The following RGMA variants were observed in gnomAD, a reference collection of about 807,000 sequenced individuals.
RGMA encodes repulsive guidance molecule A.
Under a neutral mutation model 23.2 loss-of-function variants are expected in RGMA, and 10 were observed. The observed-to-expected ratio is 0.43, with a 90% CI of 0.27 to 0.73. RGMA has a LOEUF of 0.73. RGMA is among the 30% of genes least tolerant of loss of function. The probability of loss-of-function intolerance (pLI) is 0.20; values close to 1 mark genes in which losing one functional copy is unlikely to be tolerated. For synonymous variants in RGMA, 308 were observed against 279.3 expected, an observed-to-expected ratio of 1.10 and a Z score of -1.03; for missense variants, 547 against 630.5, an observed-to-expected ratio of 0.87 and a Z score of 1.42.
intron 3 of RGMA, among the ~76,000 whole-genome samples, chr15:93,051,692 T>G (rs1217754007): frequency 6.6e-6 from 1 of 152,154 alleles, no homozygotes; most frequent in Non-Finnish European, 1.5e-5. Context: ...CTGGGGCAAA[T>G]TCTAGCTCAG....
chr15:93,065,500 G>C, intron 2 of RGMA: 2 of 540,026 alleles, frequency 3.7e-6, no homozygotes, highest in South Asian at 3.5e-5. Flanking sequence ...GGGAAACGGG[G>C]AACAGGGTAC....
intron 3 of RGMA, among the ~76,000 whole-genome samples, chr15:93,051,444 C>T (rs1439339954): frequency 1.3e-5 from 2 of 152,238 alleles, no homozygotes; most frequent in South Asian, 2.1e-4. Context: ...GAGGCCTTGC[C>T]CTCTGGCTAA....
At chr15:93,074,166 C>G (rs11854936) in intron 1 of RGMA, 2 of 359,462 alleles carry the variant, frequency 5.6e-6, no homozygotes, top group Non-Finnish European at 8.4e-6. Flanking sequence ...GTCAAACCAA[C>G]TCCTCCCGCC....
At chr15:93,083,931 G>A (rs192135317) in intron 1 of RGMA, among the ~76,000 whole-genome samples, 3 of 152,264 alleles carry the variant, frequency 2.0e-5, no homozygotes, top group Non-Finnish European at 4.4e-5. Flanking sequence ...CTAGGAAAAT[G>A]CAATTGCACA....
intron 1 of RGMA, among the ~76,000 whole-genome samples, chr15:93,081,616 C>T (rs1345297885): frequency 1.3e-5 from 2 of 152,216 alleles, no homozygotes; most frequent in Non-Finnish European, 2.9e-5. Context: ...AACCATTTAT[C>T]CACCAAATGG....
At chr15:93,073,891 A>G in intron 1 of RGMA, 3 of 1,459,050 alleles carry the variant, frequency 2.1e-6, no homozygotes, top group South Asian at 2.8e-5. Flanking sequence ...GCCACTCCAG[A>G]GAGATGGCTA....
intron 3 of RGMA, among the ~76,000 whole-genome samples, chr15:93,049,328 T>C (rs887331389): frequency 6.6e-6 from 1 of 152,068 alleles, no homozygotes; most frequent in African/African-American, 2.4e-5. Flanking sequence ...AAATGAATCA[T>C]GCAGAGGGAC....
chr15:93,088,104 C>T (rs979556198), intron 1 of RGMA, among the ~76,000 whole-genome samples: 3 of 152,210 alleles, frequency 2.0e-5, no homozygotes, highest in Non-Finnish European at 2.9e-5. Context: ...CAAAACCACA[C>T]CACATAATAG....
At chr15:93,051,908 C>T in intron 3 of RGMA, 85 bp downstream of exon 3, 5 of 1,385,520 alleles carry the variant, frequency 3.6e-6, no homozygotes, top group Non-Finnish European at 4.9e-6. Context: ...TCCCAGGCAC[C>T]CGAGGCCCTC....
At chr15:93,066,757 C>T (rs2141833351) in intron 2 of RGMA, among the ~76,000 whole-genome samples, 1 of 152,344 alleles carries the variant, frequency 6.6e-6, no homozygotes, top group Admixed American at 6.5e-5. Flanking sequence ...AAGTGATCCA[C>T]CCGCCTCGGC....
At chr15:93,061,279 G>C (rs1375395875) in intron 2 of RGMA, among the ~76,000 whole-genome samples, 1 of 152,206 alleles carries the variant, frequency 6.6e-6, no homozygotes, top group African/African-American at 2.4e-5. Context: ...TCAGCCTCCT[G>C]AGTAGCTGGG....
rs1223030677 is a variant in RGMA, at chr15:93,043,231, T to C, written c.*1767A>G. 1.7e-4 allele frequency: 6 copies of C among 35,894 alleles called. No homozygotes were observed. Among genetic ancestry groups the C allele is most frequent in the African/African-American group, 4.9e-4 (6 of 12,332 alleles). The allele number at this position is 35,894 out of a possible 1,614,324, so 2.2% of individuals were successfully genotyped here. On this transcript the variant is annotated 3_prime_UTR_variant, in exon 4 of 4. Coordinates refer to ENST00000329082, the MANE Select transcript of RGMA (RefSeq NM_020211.3). ...GCGCACACACAGGCATGCGCACACA[T>C]GCGTACATGCACGCACACAGGCACG...
At chr15:93,076,282 G>T (rs1895471785) in intron 1 of RGMA, among the ~76,000 whole-genome samples, 1 of 150,580 alleles carries the variant, frequency 6.6e-6, no homozygotes. Context: ...TTCCACTCTG[G>T]GGGTAGCTAT....
At chr15:93,088,246 T>G in intron 1 of RGMA, 1 of 461,822 alleles carries the variant, frequency 2.2e-6, no homozygotes, top group Non-Finnish European at 2.8e-6. Flanking sequence ...CGCCCTCCCA[T>G]TGAATACACC....
At chr15:93,080,717 C>A (rs968645219) in intron 1 of RGMA, among the ~76,000 whole-genome samples, 4 of 152,140 alleles carry the variant, frequency 2.6e-5, no homozygotes, top group African/African-American at 9.7e-5. Flanking sequence ...TTTCCATGGC[C>A]ACCCTTCCGT....
At chr15:93,053,127 T>G (rs564587627) in intron 2 of RGMA, among the ~76,000 whole-genome samples, 1 of 152,312 alleles carries the variant, frequency 6.6e-6, no homozygotes, top group East Asian at 1.9e-4. Context: ...AGGAACTGGC[T>G]TCCCTTATGC....
rs913143646 is a variant in RGMA at position 93,052,033 on chromosome 15, G to A, written c.605C>T (p.Thr202Met). The A allele has an allele frequency of 1.9e-5, 31 of 1,610,702 alleles. No homozygotes were observed. Among genetic ancestry groups the A allele is most frequent in the African/African-American group, 1.1e-4 (8 of 74,910 alleles). ...GGCCGCTGAGCCGGGCAGCACAGGC[G>A]TGTTGGTGACCTGCACGTTCAGGTA... is the stretch of plus-strand genomic sequence containing the variant. ...NNYLNVQVTN[T>M]PVLPGSAATA... is the part of the protein sequence containing the mutation. Residue 202 changes from threonine to methionine, a missense_variant, in exon 3 of 4, where the codon ACG becomes ATG. Thr to Met is a moderately conservative substitution (Grantham distance 81). Transcript: ENST00000329082.
intron 2 of RGMA, among the ~76,000 whole-genome samples, chr15:93,061,893 G>A (rs371792228): frequency 3.9e-5 from 6 of 152,184 alleles, no homozygotes; most frequent in African/African-American, 7.2e-5. Flanking sequence ...TGCAGTGCAC[G>A]AGGGGGTGTG....
Position 93,040,083 on chromosome 15 carries a change from C to G in RGMA, c.*4915G>C, listed in dbSNP as rs1156431709. 1 of 152,202 alleles carries G rather than the reference C, an allele frequency of 6.6e-6. No homozygotes were observed. Among genetic ancestry groups the G allele is most frequent in the Non-Finnish European group, 1.5e-5 (1 of 68,046 alleles). The allele number at this position is 152,202 out of a possible 1,614,324, so 9.4% of individuals were successfully genotyped here. ...AATTAGCCGGGTGTGACGGCAGGCACCTGTAATCCCAGCTACTTGAGTGGC... is the reference window on the plus strand; with the variant it reads ...AATTAGCCGGGTGTGACGGCAGGCAGCTGTAATCCCAGCTACTTGAGTGGC... On this transcript the variant is annotated 3_prime_UTR_variant, in exon 4 of 4. Transcript: ENST00000329082.
Sources: gnomAD v4.1 joint callset for allele counts (sites outside exome capture counted in the v4.1 genomes callset) on GRCh38, gnomAD v4.1.1 for gene constraint, MANE v1.5 for transcripts, NCBI Gene and HGNC (gene_info 2026-07-23, HGNC 2026-07-21) for gene names.